Variants in CDH12 observed in about 807,000 individuals in gnomAD.
The protein encoded by CDH12 is cadherin 12.
In CDH12, 41 loss-of-function variants were observed where a neutral mutation model predicts 74.1. The observed-to-expected ratio is 0.55, with a 90% CI of 0.43 to 0.72. The LOEUF is 0.72. CDH12 is among the 30% of genes least tolerant of loss of function. The probability of loss-of-function intolerance (pLI) is 0.00; values close to 1 mark genes in which losing one functional copy is unlikely to be tolerated. For missense variants in CDH12, 945 were observed against 977.2 expected, an observed-to-expected ratio of 0.97 and a Z score of 0.44; for synonymous variants, 399 against 355.0, an observed-to-expected ratio of 1.12 and a Z score of -1.39.
intron 5 of CDH12, among the ~76,000 whole-genome samples, chr5:22,012,143 TAG>T (rs1561018978): frequency 6.6e-6 from 1 of 151,638 alleles, no homozygotes; most frequent in Non-Finnish European, 1.5e-5. Flanking sequence ...ACTAGAGATA[TAG>T]AATATATATG....
chr5:22,224,924 TTA>T (rs1420192072), intron 3 of CDH12, among the ~76,000 whole-genome samples: 3 of 151,944 alleles, frequency 2.0e-5, no homozygotes, highest in African/African-American at 7.2e-5. Context: ...TCTCTAAACT[TTA>T]TATACATTAA....
chr5:21,770,057 A>T (rs1277851138), intron 11 of CDH12, among the ~76,000 whole-genome samples: 1 of 152,192 alleles, frequency 6.6e-6, no homozygotes, highest in Admixed American at 6.5e-5. Context: ...ATCTACCAAC[A>T]TATGTGATGA....
At chr5:22,029,048 C>A (rs563704809) in intron 5 of CDH12, among the ~76,000 whole-genome samples, 2 of 152,158 alleles carry the variant, frequency 1.3e-5, no homozygotes, top group South Asian at 2.1e-4. Flanking sequence ...CTGGGAAAAC[C>A]AGCTAGCCAT....
At chr5:22,465,179 C>T (rs192352095) in intron 2 of CDH12, among the ~76,000 whole-genome samples, 2 of 152,250 alleles carry the variant, frequency 1.3e-5, no homozygotes, top group Admixed American at 6.5e-5. Context: ...TTTGTATATC[C>T]AGTCTAATTC....
chr5:22,095,600 A>AC (rs1373051238), intron 4 of CDH12, among the ~76,000 whole-genome samples: 1 of 150,960 alleles, frequency 6.6e-6, no homozygotes, highest in African/African-American at 2.4e-5. Flanking sequence ...GGGGGCAAGA[A>AC]CCCCCCAATC....
At chr5:22,543,397 A>G (rs1172127254) in intron 1 of CDH12, among the ~76,000 whole-genome samples, 1 of 152,148 alleles carries the variant, frequency 6.6e-6, no homozygotes, top group Non-Finnish European at 1.5e-5. Flanking sequence ...TAAAAAGCCT[A>G]GCAGAAAACC....
chr5:22,042,385 C>G (rs1213129686), intron 5 of CDH12, among the ~76,000 whole-genome samples: 1 of 151,954 alleles, frequency 6.6e-6, no homozygotes, highest in East Asian at 1.9e-4. Flanking sequence ...ACAAATCTGA[C>G]AAACTTTTAG....
chr5:22,651,376 C>G (rs1315660983), intron 1 of CDH12, among the ~76,000 whole-genome samples: 2 of 152,078 alleles, frequency 1.3e-5, no homozygotes, highest in East Asian at 3.9e-4. Context: ...AATAGACTCA[C>G]AGTTCAGCAT....
At chr5:21,880,603 CCTTCCT>C (rs1752240091) in intron 6 of CDH12, among the ~76,000 whole-genome samples, 5 of 62,314 alleles carry the variant, frequency 8.0e-5, no homozygotes, top group Admixed American at 2.3e-4. Flanking sequence ...TTCCTTCCTT[CCTTCCT>C]TCCTTCCTTC....
At chr5:22,223,698 G>C (rs1323101496) in intron 3 of CDH12, among the ~76,000 whole-genome samples, 1 of 151,978 alleles carries the variant, frequency 6.6e-6, no homozygotes, top group Non-Finnish European at 1.5e-5. Context: ...AGCGTTCTCA[G>C]AATATTGGGG....
intron 1 of CDH12, among the ~76,000 whole-genome samples, chr5:22,635,400 G>A (rs982773234): frequency 1.3e-5 from 2 of 152,070 alleles, no homozygotes; most frequent in African/African-American, 4.8e-5. Flanking sequence ...ATAAAAGAAA[G>A]GTAGGATTAA....
At chr5:22,098,957 T>A (rs1245914522) in intron 4 of CDH12, among the ~76,000 whole-genome samples, 3 of 152,116 alleles carry the variant, frequency 2.0e-5, no homozygotes, top group Admixed American at 1.3e-4. Flanking sequence ...AAGAAATAAC[T>A]TCTCAGTGTT....
chr5:22,546,196 G>A (rs182901392), intron 1 of CDH12, among the ~76,000 whole-genome samples: 81 of 151,954 alleles, frequency 5.3e-4, no homozygotes, highest in African/African-American at 1.7e-3. Flanking sequence ...CACCTGCCTC[G>A]GCCTCCCAAA....
intron 4 of CDH12, among the ~76,000 whole-genome samples, chr5:22,153,901 T>TACACACAC (rs1448948559): frequency 3.5e-4 from 19 of 54,554 alleles, no homozygotes; most frequent in Non-Finnish European, 4.1e-4. Context: ...TATATATATA[T>TACACACAC]ATACACACAC....
At position 22,272,799 on chromosome 5, in the gene CDH12, T is replaced by C. The variant is rs569431289; in HGVS notation, c.-332-60156A>G. ...ACACCTTATATGGGTGCTGTGTTCG[T>C]CTGTTTTTATGCTGCTATGAAGAAA... On this transcript the variant is annotated intron_variant, in intron 3 of 14. Transcript: ENST00000382254. Among the ~76,000 whole-genome samples, 40 of 152,284 alleles carry C rather than the reference T, an allele frequency of 2.6e-4. 3 individuals are homozygous for C. In the South Asian group the frequency reaches 6.4e-3, roughly 25 times the overall value.
At chr5:22,433,369 C>A (rs563667121) in intron 2 of CDH12, among the ~76,000 whole-genome samples, 2 of 152,200 alleles carry the variant, frequency 1.3e-5, no homozygotes, top group East Asian at 3.9e-4. Flanking sequence ...AGTTTTCCAG[C>A]ATTTTTGAAT....
At chr5:22,122,524 A>G (rs939951021) in intron 4 of CDH12, among the ~76,000 whole-genome samples, 1 of 151,832 alleles carries the variant, frequency 6.6e-6, no homozygotes, top group South Asian at 2.1e-4. Flanking sequence ...TACCAGCTTT[A>G]TCATTTCTCT....
chr5:22,598,860 C>G (rs1199378192), intron 1 of CDH12, among the ~76,000 whole-genome samples: 1 of 152,068 alleles, frequency 6.6e-6, no homozygotes, highest in African/African-American at 2.4e-5. Flanking sequence ...CTTGTATCTC[C>G]CAAAATAAGG....
intron 3 of CDH12, among the ~76,000 whole-genome samples, chr5:22,238,046 G>A (rs1194821076): frequency 1.3e-5 from 2 of 152,168 alleles, no homozygotes; most frequent in Non-Finnish European, 2.9e-5. Context: ...AAACATAACA[G>A]AAAATTCAGG....
Sources: gnomAD v4.1 joint callset for allele counts (sites outside exome capture counted in the v4.1 genomes callset) on GRCh38, gnomAD v4.1.1 for gene constraint, MANE v1.5 for transcripts, NCBI Gene and HGNC (gene_info 2026-07-23, HGNC 2026-07-21) for gene names.